Variants in RCAN2 observed in about 807,000 individuals in gnomAD.
RCAN2 encodes the protein regulator of calcineurin 2.
In RCAN2, 9 loss-of-function variants were observed where a neutral mutation model predicts 23.6. The ratio of observed to expected loss-of-function variants is 0.38; its 90% CI spans 0.23 to 0.67. The LOEUF is 0.67. Among genes scored for constraint, RCAN2 ranks in the 30% least tolerant of loss-of-function variants. The pLI is 0.51. For synonymous variants in RCAN2, 109 were observed against 115.7 expected, an observed-to-expected ratio of 0.94 and a Z score of 0.37; for missense variants, 273 against 302.3, an observed-to-expected ratio of 0.90 and a Z score of 0.72.
chr6:46,473,466 A>C (rs991686051), intron 1 of RCAN2, among the ~76,000 whole-genome samples: 4 of 152,160 alleles, frequency 2.6e-5, no homozygotes, highest in Non-Finnish European at 4.4e-5. Context: ...CTCTTTAAAC[A>C]ATAAACTATT....
At chr6:46,289,239 T>C (rs968094828) in intron 2 of RCAN2, among the ~76,000 whole-genome samples, 1 of 151,544 alleles carries the variant, frequency 6.6e-6, no homozygotes, top group African/African-American at 2.5e-5. Context: ...CTTCACTATT[T>C]TTTCCCCCCA....
intron 4 of RCAN2, among the ~76,000 whole-genome samples, chr6:46,245,489 G>A (rs1452273731): frequency 6.6e-6 from 1 of 152,136 alleles, no homozygotes; most frequent in Non-Finnish European, 1.5e-5. Flanking sequence ...GAGAAACCAG[G>A]ACAGTTGGTC....
chr6:46,307,574 T>C (rs1411210015), intron 2 of RCAN2, among the ~76,000 whole-genome samples: 4 of 152,172 alleles, frequency 2.6e-5, no homozygotes, highest in African/African-American at 9.6e-5. Flanking sequence ...AGCAAATATA[T>C]GTTGTGCTCC....
intron 2 of RCAN2, among the ~76,000 whole-genome samples, chr6:46,251,046 T>C (rs1291678414): frequency 1.3e-5 from 2 of 152,210 alleles, no homozygotes; most frequent in Non-Finnish European, 2.9e-5. Context: ...ATAAAAGCTT[T>C]TGCTTTTTTT....
intron 1 of RCAN2, among the ~76,000 whole-genome samples, chr6:46,473,665 C>T (rs891001450): frequency 6.6e-6 from 1 of 152,070 alleles, no homozygotes; most frequent in Non-Finnish European, 1.5e-5. Context: ...CCAAAACTAA[C>T]TTGGGATTTT....
chr6:46,250,868 C>T (rs1766688999), intron 2 of RCAN2, among the ~76,000 whole-genome samples: 1 of 152,148 alleles, frequency 6.6e-6, no homozygotes, highest in Non-Finnish European at 1.5e-5. Context: ...GCCTCTTGGG[C>T]ATCCAGATCA....
chr6:46,473,250 C>A (rs1768618850), intron 1 of RCAN2, among the ~76,000 whole-genome samples: 1 of 152,156 alleles, frequency 6.6e-6, no homozygotes, highest in African/African-American at 2.4e-5. Flanking sequence ...CATACAATAT[C>A]TTACGGTATA....
chr6:46,330,616 C>G (rs1210234693), intron 2 of RCAN2, among the ~76,000 whole-genome samples: 1 of 152,166 alleles, frequency 6.6e-6, no homozygotes, highest in Non-Finnish European at 1.5e-5. Context: ...CCCATCCTTT[C>G]TCCCCCTCTC....
intron 2 of RCAN2, among the ~76,000 whole-genome samples, chr6:46,388,462 G>A (rs1582161924): frequency 6.6e-6 from 1 of 152,044 alleles, no homozygotes; most frequent in East Asian, 1.9e-4. Context: ...ATACCCAAAG[G>A]ATTATAAATC....
intron 2 of RCAN2, among the ~76,000 whole-genome samples, chr6:46,425,963 A>G (rs1445020204): frequency 6.7e-6 from 1 of 150,224 alleles, no homozygotes; most frequent in Non-Finnish European, 1.5e-5. Context: ...CAGTGACACA[A>G]TCTTGGCTCA....
At chr6:46,477,990 T>C (rs1768760410) in intron 1 of RCAN2, among the ~76,000 whole-genome samples, 1 of 152,224 alleles carries the variant, frequency 6.6e-6, no homozygotes, top group Non-Finnish European at 1.5e-5. Flanking sequence ...TCCCATAGTC[T>C]TTAACTAAGA....
chr6:46,226,785 C>G (rs541254202), intron 4 of RCAN2, among the ~76,000 whole-genome samples: 1 of 152,184 alleles, frequency 6.6e-6, no homozygotes, highest in African/African-American at 2.4e-5. Flanking sequence ...ATTTCTTTCT[C>G]CTGCCTGATT....
At chr6:46,256,003 T>C (rs763922430) in intron 2 of RCAN2, among the ~76,000 whole-genome samples, 1 of 152,108 alleles carries the variant, frequency 6.6e-6, no homozygotes, top group Non-Finnish European at 1.5e-5. Flanking sequence ...TATGGAGTGA[T>C]TATTGTAGAG....
chr6:46,312,668 G>A (rs912014663), intron 2 of RCAN2, among the ~76,000 whole-genome samples: 3 of 152,150 alleles, frequency 2.0e-5, no homozygotes, highest in African/African-American at 7.2e-5. Flanking sequence ...TCCTCAAGAT[G>A]GCTGCTTTTC....
intron 2 of RCAN2, among the ~76,000 whole-genome samples, chr6:46,375,492 G>C (rs776308922): frequency 6.6e-6 from 1 of 152,076 alleles, no homozygotes; most frequent in Non-Finnish European, 1.5e-5. Context: ...TTAAACTAAA[G>C]TCCAAAAGAT....
chr6:46,331,503 G>A (rs1339687178), intron 2 of RCAN2, among the ~76,000 whole-genome samples: 1 of 152,156 alleles, frequency 6.6e-6, no homozygotes, highest in Non-Finnish European at 1.5e-5. Flanking sequence ...TAGCTAGTGG[G>A]AGTTTAATCA....
chr6:46,447,827 ACT>A (rs1292650229), intron 2 of RCAN2, among the ~76,000 whole-genome samples: 2 of 151,816 alleles, frequency 1.3e-5, no homozygotes, highest in African/African-American at 4.8e-5. Flanking sequence ...CTAGTAGCAT[ACT>A]ATGAGATACA....
chr6:46,459,391 A>G (rs1462248812), intron 1 of RCAN2, among the ~76,000 whole-genome samples: 2 of 152,252 alleles, frequency 1.3e-5, no homozygotes, highest in African/African-American at 2.4e-5. Flanking sequence ...TCTAAAATCC[A>G]TTGCCGAACA....
chr6:46,423,838 G>A (rs1049727519), intron 2 of RCAN2, among the ~76,000 whole-genome samples: 7 of 152,070 alleles, frequency 4.6e-5, no homozygotes, highest in African/African-American at 7.2e-5. Flanking sequence ...CACATACCAC[G>A]GTCCAGGTAC....
Sources: gnomAD v4.1 joint callset for allele counts (sites outside exome capture counted in the v4.1 genomes callset) on GRCh38, gnomAD v4.1.1 for gene constraint, MANE v1.5 for transcripts, NCBI Gene and HGNC (gene_info 2026-07-23, HGNC 2026-07-21) for gene names.